Variants in GNL3L observed in about 807,000 individuals in gnomAD.
The protein encoded by GNL3L is guanine nucleotide-binding protein-like 3-like protein.
GNL3L carries 4 observed loss-of-function variants against 42.9 expected under a neutral mutation model. The ratio of observed to expected loss-of-function variants is 0.09; its 90% CI spans 0.05 to 0.21. The LOEUF is 0.21. GNL3L is among the 10% of genes least tolerant of loss of function. The probability of loss-of-function intolerance (pLI) is 1.00; values close to 1 mark genes in which losing one functional copy is unlikely to be tolerated. For synonymous variants in GNL3L, 159 were observed against 176.3 expected, an observed-to-expected ratio of 0.90 and a Z score of 0.78; for missense variants, 412 against 481.7, an observed-to-expected ratio of 0.86 and a Z score of 1.36.
chrX:54,625,483 A>T (rs1926349427), downstream of GNL3L, among the ~76,000 whole-genome samples: 1 of 110,015 alleles, frequency 9.1e-6, no homozygotes, highest in African/African-American at 3.3e-5. Context: ...TGATTTTCTT[A>T]TGTTCAACCT....
chrX:54,625,289 GT>G (rs757281556), downstream of GNL3L, among the ~76,000 whole-genome samples: 99 of 73,528 alleles, frequency 1.3e-3, no homozygotes, highest in Admixed American at 1.3e-3. Flanking sequence ...GTTTTGTTTT[GT>G]TTTTTTTTTT....
the GNL3L span, among the ~76,000 whole-genome samples, chrX:54,643,168 C>T: frequency 8.9e-6 from 1 of 111,934 alleles, no homozygotes; most frequent in Non-Finnish European, 1.9e-5. Context: ...TTATTAAAAA[C>T]AAGACAAAAC....
At chrX:54,630,692 TCC>T in the GNL3L span, among the ~76,000 whole-genome samples, 56 of 1,620 alleles carry the variant, frequency 0.035, no homozygotes, top group Admixed American at 0.076. Flanking sequence ...CTTCCTTCCT[TCC>T]TTCCTTTCTT....
chrX:54,562,994 C>T lies in GNL3L; in HGVS notation c.*2392C>T, dbSNP rs751829635. ...TATCAAGTCCGTTAAATGCATTTAA[C>T]GTTAAATTTTTTCTTTTTTGGTTTA... On this transcript the variant is annotated 3_prime_UTR_variant, in exon 16 of 16. Coordinates refer to ENST00000360845, the MANE Select transcript of GNL3L (RefSeq NM_001184819.2). 1.4e-3 allele frequency among the ~76,000 whole-genome samples: 158 copies of T among 110,794 alleles called. No homozygotes were observed. Among genetic ancestry groups the T allele is most frequent in the Non-Finnish European group, 2.3e-3 (122 of 53,039 alleles).
At chrX:54,603,616 TACA>T (rs901230153) in intron 16 of GNL3L, among the ~76,000 whole-genome samples, 7 of 111,711 alleles carry the variant, frequency 6.3e-5, no homozygotes, top group South Asian at 3.7e-4. Flanking sequence ...CTGTGAAGGG[TACA>T]ACATCACTTT....
At chrX:54,555,305 T>C (rs1286588020) in intron 14 of GNL3L, among the ~76,000 whole-genome samples, 2 of 109,196 alleles carry the variant, frequency 1.8e-5, no homozygotes, top group African/African-American at 3.3e-5. Flanking sequence ...TGAGCCACCA[T>C]GCCTGGCCTG....
At chrX:54,603,046 A>G (rs1926021027) in intron 16 of GNL3L, among the ~76,000 whole-genome samples, 1 of 112,035 alleles carries the variant, frequency 8.9e-6, no homozygotes, top group South Asian at 3.7e-4. Flanking sequence ...TTAATTTGCT[A>G]TGCAGCAATA....
chrX:54,621,451 A>C (rs1838523558), exon 17 of GNL3L, among the ~76,000 whole-genome samples: 1 of 112,091 alleles, frequency 8.9e-6, no homozygotes, highest in Admixed American at 9.5e-5. Flanking sequence ...GCCCAAGCTG[A>C]CATCTAACTA....
intron 2 of GNL3L, among the ~76,000 whole-genome samples, chrX:54,534,121 T>G (rs1434382758): frequency 9.3e-6 from 1 of 107,095 alleles, no homozygotes; most frequent in Non-Finnish European, 1.9e-5. Context: ...GCTCAAACAA[T>G]CCTCCCATCT....
In GNL3L at chrX:54,585,015, C is replaced by T. The variant is rs190922740; in HGVS notation, c.*45+24368C>T. ...GTCAGGCTGGTCTCGAGCTCCTGAC[C>T]TCAGGTGATCCACCTGCCTCGGCCT... On this transcript the variant is annotated intron_variant, in intron 16 of 16. Coordinates refer to the GNL3L transcript ENST00000674498. Among the ~76,000 whole-genome samples the T allele has an allele frequency of 1.1e-3, 123 of 112,121 alleles. 1 individual carries two copies. Among genetic ancestry groups the T allele is most frequent in the African/African-American group, 3.7e-3 (113 of 30,900 alleles).
Position 54,560,618 on chromosome X carries a change from TC to T in GNL3L, c.*19del. On this transcript the variant is annotated 3_prime_UTR_variant, in exon 16 of 16. Transcript: ENST00000360845. ...TGGTGACTAATCGACTGATCTCACT[TC>T]CCTTCCGCTCCAAGCACCAGTTCCG... 2.1e-6 allele frequency: 2 copies of T among 965,703 alleles called. No individual in the cohort carries two copies. The highest frequency in any genetic ancestry group is 1.9e-5 in the African/African-American group (1 of 53,223). 79.6% of individuals were successfully genotyped at this position (965,703 alleles called of 1,213,427 possible). A position where few individuals can be genotyped will look rare whatever the true frequency, so the allele number is the denominator to read the frequency against.
Position 54,565,523 on chromosome X carries a change from T to TG in GNL3L, c.*4925dup, listed in dbSNP as rs1329591565. Among the ~76,000 whole-genome samples the TG allele has an allele frequency of 9.0e-6, 1 of 110,912 alleles. No homozygotes were observed. The highest frequency in any genetic ancestry group is 9.7e-5 in the Admixed American group (1 of 10,269). On this transcript the variant is annotated 3_prime_UTR_variant, in exon 16 of 16. Coordinates refer to ENST00000360845, the MANE Select transcript of GNL3L (RefSeq NM_001184819.2). ...TTTTTTTAATACATTTAAATAGAGA[T>TG]GGGGTCTCACTGTGTTGACCAGGAT...
the GNL3L span, among the ~76,000 whole-genome samples, chrX:54,627,679 T>A: frequency 8.9e-6 from 1 of 111,778 alleles, no homozygotes; most frequent in East Asian, 2.8e-4. Flanking sequence ...TTTTGCTCTA[T>A]CCCATAAGTT....
chrX:54,620,868 A>G (rs1299373715), exon 17 of GNL3L, among the ~76,000 whole-genome samples: 1 of 112,241 alleles, frequency 8.9e-6, no homozygotes, highest in Admixed American at 9.4e-5. Flanking sequence ...TGGTTTCACA[A>G]TGGCTGTCAC....
At chrX:54,634,787 C>CT in the GNL3L span, among the ~76,000 whole-genome samples, 6,307 of 51,578 alleles carry the variant, frequency 0.12, 693 homozygotes, top group Non-Finnish European at 0.18. Flanking sequence ...GCGCCCGGCT[C>CT]TTTTTTTTTT....
At chrX:54,610,328 T>C (rs1259971650) in intron 16 of GNL3L, among the ~76,000 whole-genome samples, 1 of 111,400 alleles carries the variant, frequency 9.0e-6, no homozygotes, top group Admixed American at 9.6e-5. Flanking sequence ...TTTAGCAATT[T>C]GGATGCCTTT....
intron 9 of GNL3L, among the ~76,000 whole-genome samples, chrX:54,549,219 G>T (rs780779301): frequency 3.6e-5 from 4 of 111,418 alleles, no homozygotes; most frequent in Non-Finnish European, 5.7e-5. Context: ...AGATACAGAG[G>T]AACACATACA....
chrX:54,579,831 C>T (rs1409865103), intron 16 of GNL3L, among the ~76,000 whole-genome samples: 2 of 111,438 alleles, frequency 1.8e-5, no homozygotes, highest in African/African-American at 6.5e-5. Flanking sequence ...GCATGCGCCA[C>T]AACGCCTGGC....
chrX:54,551,502 C>A, intron 10 of GNL3L, 66 bp from the exon 11 acceptor site: 1 of 985,152 alleles, frequency 1.0e-6, no homozygotes, highest in East Asian at 3.1e-5. Flanking sequence ...ACATCCCAGG[C>A]CCACCTTCGT....
Sources: allele counts gnomAD v4.1 joint callset (sites outside exome capture counted in the v4.1 genomes callset), GRCh38; gene constraint gnomAD v4.1.1; transcripts MANE v1.5; gene names NCBI Gene and HGNC (gene_info 2026-07-23, HGNC 2026-07-21).